The following SNCAIP variants were observed in gnomAD, a reference collection of about 807,000 sequenced individuals.
SNCAIP encodes synphilin-1.
SNCAIP carries 43 observed loss-of-function variants against 86.7 expected under a neutral mutation model. The ratio of observed to expected loss-of-function variants is 0.50; its 90% CI spans 0.39 to 0.64. SNCAIP has a LOEUF of 0.64. SNCAIP is among the 30% of genes least tolerant of loss of function. The pLI is 0.00. For synonymous variants in SNCAIP, 417 were observed against 427.2 expected, an observed-to-expected ratio of 0.98 and a Z score of 0.29; for missense variants, 981 against 1,103.1, an observed-to-expected ratio of 0.89 and a Z score of 1.57.
intron 10 of SNCAIP, 32 bp downstream of exon 10, chr5:122,451,633 T>C: frequency 7.1e-7 from 1 of 1,410,614 alleles, no homozygotes; most frequent in Non-Finnish European, 1.0e-6. Flanking sequence ...TTCTTTTTTT[T>C]CCTTCAAATG....
intron 5 of SNCAIP, among the ~76,000 whole-genome samples, chr5:122,429,068 A>G (rs1031040323): frequency 2.6e-5 from 4 of 152,026 alleles, no homozygotes; most frequent in Non-Finnish European, 5.9e-5. Flanking sequence ...TGTCAAAATA[A>G]ATCAACGTGT....
intron 3 of SNCAIP, among the ~76,000 whole-genome samples, chr5:122,420,312 T>C (rs1181919625): frequency 6.6e-6 from 1 of 152,196 alleles, no homozygotes; most frequent in Non-Finnish European, 1.5e-5. Context: ...TGGTATCCAT[T>C]TCCCTGTATC....
chr5:122,370,105 A>G (rs1763991718), intron 1 of SNCAIP: 1 of 152,180 alleles, frequency 6.6e-6, no homozygotes, highest in Non-Finnish European at 1.5e-5. Flanking sequence ...TAAATGTTTG[A>G]GTTGATGGAT....
In SNCAIP at chr5:122,463,627, T is replaced by A; in HGVS notation, c.*131T>A. On this transcript the variant is annotated 3_prime_UTR_variant, in exon 11 of 11. Coordinates refer to ENST00000261368, the MANE Select transcript of SNCAIP (RefSeq NM_005460.4). ...ATGCCCTTTGGAAATTATTGGAAAT[T>A]TCTGGACTATCCTCTTTGGAAAGAG... is the stretch of plus-strand genomic sequence containing the variant. The A allele has an allele frequency of 1.1e-6, 1 of 928,750 alleles. No individual in the cohort carries two copies. The highest frequency in any genetic ancestry group is 1.7e-6 in the Non-Finnish European group (1 of 586,724). The allele number at this position is 928,750 out of a possible 1,614,324, so 57.5% of individuals were successfully genotyped here. A position where few individuals can be genotyped will look rare whatever the true frequency, so the allele number is the denominator to read the frequency against.
At chr5:122,459,988 G>T (rs1203270986) in intron 10 of SNCAIP, among the ~76,000 whole-genome samples, 1 of 151,886 alleles carries the variant, frequency 6.6e-6, no homozygotes, top group African/African-American at 2.4e-5. Context: ...TTATCTACTG[G>T]CATTCTACTA....
chr5:122,421,805 A>G (rs1334222998), intron 3 of SNCAIP, among the ~76,000 whole-genome samples: 1 of 152,118 alleles, frequency 6.6e-6, no homozygotes, highest in Non-Finnish European at 1.5e-5. Flanking sequence ...AGGAAGCAGT[A>G]TAATCATATC....
intron 1 of SNCAIP, among the ~76,000 whole-genome samples, chr5:122,324,981 G>A (rs1257376268): frequency 1.3e-5 from 2 of 152,204 alleles, no homozygotes; most frequent in Non-Finnish European, 2.9e-5. Flanking sequence ...CTGATTATGA[G>A]CATGGGCTTG....
At chr5:122,457,799 G>A (rs1433048367) in intron 10 of SNCAIP, among the ~76,000 whole-genome samples, 2 of 152,316 alleles carry the variant, frequency 1.3e-5, no homozygotes, top group East Asian at 3.9e-4. Flanking sequence ...CATGAATTAA[G>A]CGACAGTTCC....
chr5:122,362,276 A>G (rs1473545820), intron 1 of SNCAIP, among the ~76,000 whole-genome samples: 1 of 152,162 alleles, frequency 6.6e-6, no homozygotes, highest in Non-Finnish European at 1.5e-5. Context: ...TTAAAATCCT[A>G]TGAGCAATAG....
chr5:122,403,707 A>G, intron 2 of SNCAIP, 86 bp from the exon 3 acceptor site: 1 of 1,021,818 alleles, frequency 9.8e-7, no homozygotes, highest in Non-Finnish European at 1.6e-6. Flanking sequence ...AGTATCACTT[A>G]TTGTGTTTTG....
intron 1 of SNCAIP, among the ~76,000 whole-genome samples, chr5:122,325,608 T>G (rs542146897): frequency 1.3e-5 from 2 of 152,350 alleles, no homozygotes; most frequent in South Asian, 4.1e-4. Flanking sequence ...GCCATCTATT[T>G]TCTTTGGGGA....
intron 1 of SNCAIP, among the ~76,000 whole-genome samples, chr5:122,319,242 C>A (rs1022600074): frequency 6.6e-6 from 1 of 150,888 alleles, no homozygotes; most frequent in African/African-American, 2.4e-5. Flanking sequence ...AAAAAAAAAA[C>A]TATGGAAAAA....
At chr5:122,448,690 T>TTATATATATTATATACATATATATAA (rs1782999489) in intron 8 of SNCAIP, among the ~76,000 whole-genome samples, 2 of 135,168 alleles carry the variant, frequency 1.5e-5, no homozygotes, top group Admixed American at 8.0e-5. Context: ...TATATATATA[T>TTATATATATTATATACATATATATAA]TATATATATT....
intron 1 of SNCAIP, chr5:122,371,700 T>C (rs1343771047): frequency 6.6e-6 from 1 of 152,192 alleles, no homozygotes; most frequent in African/African-American, 2.4e-5. Flanking sequence ...TTGGAATCAG[T>C]CCTACCTGGC....
intron 1 of SNCAIP, among the ~76,000 whole-genome samples, chr5:122,329,884 A>G (rs979422016): frequency 3.9e-5 from 6 of 152,170 alleles, no homozygotes; most frequent in Non-Finnish European, 5.9e-5. Context: ...GGAGTTGTCA[A>G]TGGAGACTAA....
chr5:122,387,210 G>C (rs34207034), intron 1 of SNCAIP, among the ~76,000 whole-genome samples: 1 of 152,144 alleles, frequency 6.6e-6, no homozygotes, highest in Non-Finnish European at 1.5e-5. Context: ...CCAGACTGGA[G>C]TGCAGTGGTG....
rs565857329 is a variant in SNCAIP, at chr5:122,397,157, A to G, written c.57+5966A>G. 3.3e-5 allele frequency among the ~76,000 whole-genome samples: 5 copies of G among 152,276 alleles called. No individual in the cohort carries two copies. In the East Asian group the frequency reaches 9.7e-4, roughly 29 times the overall value. ...AGGTTAACTAAGATTAATTAGCTAG[A>G]AAATGGTGAAGTCAGGATATAATGC... On this transcript the variant is annotated intron_variant, in intron 2 of 10. Transcript: ENST00000261368.
chr5:122,341,730 G>A (rs1362080919), intron 1 of SNCAIP, among the ~76,000 whole-genome samples: 1 of 152,162 alleles, frequency 6.6e-6, no homozygotes, highest in Non-Finnish European at 1.5e-5. Context: ...TTGGGGATCT[G>A]TAGGAAACGC....
At chr5:122,359,349 T>TTTTTTTTTATTTATTTA (rs372903978) in intron 1 of SNCAIP, among the ~76,000 whole-genome samples, 1 of 142,182 alleles carries the variant, frequency 7.0e-6, no homozygotes, top group Non-Finnish European at 1.5e-5. Context: ...AGATTTTTAT[T>TTTTTTTTTATTTATTTA]TTTATTTATT....
Sources: allele counts gnomAD v4.1 joint callset (sites outside exome capture counted in the v4.1 genomes callset), GRCh38; gene constraint gnomAD v4.1.1; transcripts MANE v1.5; gene names NCBI Gene and HGNC (gene_info 2026-07-23, HGNC 2026-07-21).